MRC1: variants seen among roughly 807,000 people sequenced by gnomAD.
MRC1 encodes mannose receptor C-type 1.
Under a neutral mutation model 102.9 loss-of-function variants are expected in MRC1, and 62 were observed. The observed-to-expected ratio is 0.60, with a 90% CI of 0.49 to 0.74. The LOEUF (loss-of-function observed/expected upper bound fraction) is 0.74, where lower values mean the gene tolerates loss of function less well. Among genes scored for constraint, MRC1 ranks in the 30% least tolerant of loss-of-function variants. The probability of loss-of-function intolerance (pLI) is 0.00; values close to 1 mark genes in which losing one functional copy is unlikely to be tolerated. For missense variants in MRC1, 1,237 were observed against 862.8 expected, an observed-to-expected ratio of 1.43 and a Z score of -5.43; for synonymous variants, 457 against 298.4, an observed-to-expected ratio of 1.53 and a Z score of -5.48.
At position 17,833,823 on chromosome 10, in the gene MRC1, G is replaced by A; in HGVS notation, c.786G>A (p.Glu262=). Residue 262 remains glutamate (E), a synonymous_variant, in exon 4 of 30, where the codon GAG becomes GAA. Coordinates refer to ENST00000569591, the MANE Select transcript of MRC1 (RefSeq NM_002438.4). ...AELLSITEIH[E]QTYLTGLTSS... is the part of the protein sequence containing the mutation. The stretch of plus-strand genomic sequence containing the variant: ...TCCTGAGCATCACAGAGATTCATGA[G>A]CAAACATACCTGACAGGTAAGGACA... 2 of 781,034 alleles carry A rather than the reference G, an allele frequency of 2.6e-6. No individual in the cohort carries two copies. The highest frequency in any genetic ancestry group is 2.7e-5 in the South Asian group (2 of 74,620). The allele number at this position is 781,034 out of a possible 1,614,324, so 48.4% of individuals were successfully genotyped here.
Position 17,809,422 on chromosome 10 carries a change from C to T in MRC1, c.-44C>T, listed in dbSNP as rs1838188801. The T allele has an allele frequency of 1.1e-6, 1 of 872,030 alleles. No individual in the cohort carries two copies. The highest frequency in any genetic ancestry group is 2.4e-5 in the East Asian group (1 of 41,694). 54.0% of individuals were successfully genotyped at this position (872,030 alleles called of 1,614,324 possible). A position where few individuals can be genotyped will look rare whatever the true frequency, so the allele number is the denominator to read the frequency against. On this transcript the variant is annotated 5_prime_UTR_variant, in exon 1 of 30. Transcript: ENST00000569591. ...GCCTCGTTGTTTTGCGTCTTAGTTC[C>T]GCCCTCCTGTCCATCAGGAGAAGGA...
At position 17,906,940 on chromosome 10, in the gene MRC1, G is replaced by A. The variant is rs1401068677; in HGVS notation, c.3854G>A (p.Arg1285Gln). ...SAAESSFLSYRVEPLKSKTNF... is the reference protein window; with the variant it reads ...SAAESSFLSYQVEPLKSKTNF... ...GCAGAATCCAGTTTTCTGTCATATC[G>A]GGTTGAGCCACTTAAAAGTAAAACC... Residue 1285 changes from arginine (R) to glutamine (Q), a missense_variant, in exon 27 of 30, where the codon CGG (arginine) becomes CAG (glutamine). Arg to Gln is a conservative substitution (Grantham distance 43). Transcript: ENST00000569591. The A allele has an allele frequency of 9.6e-6, 8 of 831,472 alleles. No homozygotes were observed. The highest frequency in any genetic ancestry group is 1.1e-5 in the Non-Finnish European group (5 of 464,568). The allele number at this position is 831,472 out of a possible 1,614,324, so 51.5% of individuals were successfully genotyped here. A position where few individuals can be genotyped will look rare whatever the true frequency, so the allele number is the denominator to read the frequency against.
chr10:17,873,770 C>G lies in MRC1; in HGVS notation c.2345-14C>G. 6 of 872,332 alleles carry G rather than the reference C, an allele frequency of 6.9e-6. No individual in the cohort carries two copies. The highest frequency in any genetic ancestry group is 1.0e-5 in the Non-Finnish European group (5 of 501,226). 54.0% of individuals were successfully genotyped at this position (872,332 alleles called of 1,614,324 possible). A position where few individuals can be genotyped will look rare whatever the true frequency, so the allele number is the denominator to read the frequency against. ...TTAAGTACACTTTATTTCTATTTTT[C>G]TCTTGTTTTACAGGACAAACACCAA... On this transcript the variant is annotated splice_polypyrimidine_tract_variant and intron_variant, in intron 15 of 29. Transcript: ENST00000569591.
In MRC1 at chr10:17,892,154, T is replaced by C. The variant is rs1833688332; in HGVS notation, c.3148-2056T>C. Among the ~76,000 whole-genome samples the C allele has an allele frequency of 2.0e-5, 3 of 152,260 alleles. No homozygotes were observed. In the South Asian group the frequency reaches 6.2e-4, roughly 32 times the overall value. On this transcript the variant is annotated intron_variant, in intron 22 of 29. Transcript: ENST00000569591. ...AACAGAATGAATGCTCTGTCGTATT[T>C]TAAAATGGCTCTTTTCCCACCTCTC...
At chr10:17,841,644 T>C (rs1451887612) in intron 5 of MRC1, among the ~76,000 whole-genome samples, 2 of 152,076 alleles carry the variant, frequency 1.3e-5, no homozygotes, top group Non-Finnish European at 2.9e-5. Flanking sequence ...ATATAAAGTT[T>C]TTCTTATTCA....
At chr10:17,850,473 A>G (rs1838898154) in intron 7 of MRC1, among the ~76,000 whole-genome samples, 1 of 152,132 alleles carries the variant, frequency 6.6e-6, no homozygotes, top group East Asian at 1.9e-4. Context: ...GTATGTCTCA[A>G]TTTTAGGTGC....
chr10:17,876,403 A>C (rs1045414167), intron 17 of MRC1, among the ~76,000 whole-genome samples: 4 of 151,966 alleles, frequency 2.6e-5, no homozygotes, highest in Non-Finnish European at 4.4e-5. Flanking sequence ...GCACACCACC[A>C]TGCCTGGCTA....
chr10:17,863,820 T>C, intron 11 of MRC1, 138 bp downstream of exon 11: 1 of 653,428 alleles, frequency 1.5e-6, no homozygotes, highest in Non-Finnish European at 2.8e-6. Flanking sequence ...TTTCATTCTC[T>C]TTTCGTTTTT....
intron 2 of MRC1, among the ~76,000 whole-genome samples, chr10:17,827,214 G>T (rs1409303022): frequency 6.6e-6 from 1 of 151,638 alleles, no homozygotes; most frequent in African/African-American, 2.4e-5. Flanking sequence ...TGTACCATTT[G>T]AACATTTTCA....
intron 15 of MRC1, among the ~76,000 whole-genome samples, chr10:17,872,835 C>G (rs1833373022): frequency 1.3e-5 from 2 of 152,166 alleles, no homozygotes; most frequent in African/African-American, 4.8e-5. Flanking sequence ...TACCCTTGAA[C>G]CAAAATATAC....
chr10:17,910,306 C>T lies in MRC1; in HGVS notation c.4212C>T (p.Gly1404=). Residue 1404 remains glycine (G), a synonymous_variant, in exon 30 of 30, where the codon GGC becomes GGT. Coordinates refer to ENST00000569591, the MANE Select transcript of MRC1 (RefSeq NM_002438.4). The part of the protein sequence containing the change: ...IVILLILTGA[G]LAAYFFYKKR... ...TCCTCCTGATTTTAACGGGTGCTGG[C>T]CTTGCCGCCTATTTCTTTTATAAGA... is the stretch of plus-strand genomic sequence containing the variant. The T allele has an allele frequency of 1.3e-6, 1 of 780,828 alleles. No homozygotes were observed. The highest frequency in any genetic ancestry group is 2.4e-5 in the East Asian group (1 of 41,248). 48.4% of individuals were successfully genotyped at this position (780,828 alleles called of 1,614,324 possible).
At chr10:17,844,164 G>A (rs1352493129) in intron 5 of MRC1, among the ~76,000 whole-genome samples, 1 of 152,046 alleles carries the variant, frequency 6.6e-6, no homozygotes, top group South Asian at 2.1e-4. Flanking sequence ...TTTTAGTTCT[G>A]GGAGCACAGC....
chr10:17,873,079 G>A (rs1473917812), intron 15 of MRC1, among the ~76,000 whole-genome samples: 1 of 152,004 alleles, frequency 6.6e-6, no homozygotes, highest in Non-Finnish European at 1.5e-5. Context: ...TTGCATTATC[G>A]TAGCTCTACT....
At chr10:17,908,676 C>T (rs1190480412) in intron 28 of MRC1, among the ~76,000 whole-genome samples, 5 of 152,270 alleles carry the variant, frequency 3.3e-5, no homozygotes, top group African/African-American at 1.2e-4. Context: ...TCAAGCCATT[C>T]TCCTGCCTCA....
intron 14 of MRC1, 77 bp downstream of exon 14, chr10:17,871,012 A>C: frequency 1.2e-6 from 1 of 816,076 alleles, no homozygotes; most frequent in South Asian, 1.4e-5. Flanking sequence ...TTTTTAATGC[A>C]AACTTTTAAT....
chr10:17,889,562 G>T (rs1833645701), intron 22 of MRC1, among the ~76,000 whole-genome samples: 1 of 152,010 alleles, frequency 6.6e-6, no homozygotes, highest in Non-Finnish European at 1.5e-5. Flanking sequence ...CACCACTCTT[G>T]GCCTAAAACA....
intron 1 of MRC1, among the ~76,000 whole-genome samples, chr10:17,817,736 G>T (rs1256143491): frequency 1.3e-5 from 2 of 152,136 alleles, no homozygotes; most frequent in African/African-American, 4.8e-5. Context: ...GTGTCGATCT[G>T]TTCATCTTTG....
At chr10:17,853,730 A>G (rs1482602717) in intron 8 of MRC1, among the ~76,000 whole-genome samples, 1 of 152,108 alleles carries the variant, frequency 6.6e-6, no homozygotes, top group Non-Finnish European at 1.5e-5. Flanking sequence ...GGGGAGCTAC[A>G]TTCATTTTTT....
At chr10:17,811,410 C>T (rs896082686) in intron 1 of MRC1, among the ~76,000 whole-genome samples, 2 of 152,106 alleles carry the variant, frequency 1.3e-5, no homozygotes, top group African/African-American at 4.8e-5. Flanking sequence ...CAGCAGGATG[C>T]CCTCCTCTGA....
Sources: gnomAD v4.1 joint callset for allele counts (sites outside exome capture counted in the v4.1 genomes callset) on GRCh38, gnomAD v4.1.1 for gene constraint, MANE v1.5 for transcripts, NCBI Gene and HGNC (gene_info 2026-07-23, HGNC 2026-07-21) for gene names.